The following PSME4 variants were observed in gnomAD, a reference collection of about 807,000 sequenced individuals.
PSME4 encodes proteasome activator subunit 4, also known as proteasome activator complex subunit 4.
PSME4 carries 89 observed loss-of-function variants against 253.9 expected under a neutral mutation model. The observed-to-expected ratio is 0.35, with a 90% CI of 0.30 to 0.42. The LOEUF (loss-of-function observed/expected upper bound fraction) is 0.42, where lower values mean the gene tolerates loss of function less well. PSME4 is among the 10% of genes least tolerant of loss of function. The probability of loss-of-function intolerance (pLI) is 1.00; values close to 1 mark genes in which losing one functional copy is unlikely to be tolerated. For missense variants in PSME4, 2,014 were observed against 2,195.2 expected (o/e 0.92, Z 1.65); for synonymous variants, 851 against 759.2 (o/e 1.12, Z -1.99).
At chr2:53,887,595 C>CTG (rs1679698907) in intron 39 of PSME4, 128 bp from the exon 40 acceptor site, 1 of 948,946 alleles carries the variant, frequency 1.1e-6, no homozygotes, top group East Asian at 2.6e-5. Flanking sequence ...TAGATTATGC[C>CTG]TGTGTGTAAA....
At chr2:53,888,333 T>A (rs1208951882) in intron 38 of PSME4, 1 of 233,270 alleles carries the variant, frequency 4.3e-6, no homozygotes, top group Non-Finnish European at 8.2e-6. Context: ...TCTAACTTTC[T>A]ACAGCACCAT....
intron 17 of PSME4, among the ~76,000 whole-genome samples, chr2:53,921,643 C>T (rs1296154991): frequency 7.1e-4 from 101 of 142,826 alleles, no homozygotes; most frequent in Non-Finnish European, 1.4e-3. Context: ...CCGAGGCGGG[C>T]GGATCACGAG....
chr2:53,948,342 T>C (rs2104475685), intron 3 of PSME4, 79 bp downstream of exon 3: 2 of 847,684 alleles, frequency 2.4e-6, no homozygotes, highest in Non-Finnish European at 4.0e-6. Context: ...TTCAAACAAC[T>C]CAATATTTTT....
chr2:53,939,894 C>A, intron 4 of PSME4, 62 bp downstream of exon 4: 1 of 1,405,028 alleles, frequency 7.1e-7, no homozygotes, highest in African/African-American at 1.4e-5. Context: ...TCAAACCATA[C>A]TAAAGATGTG....
chr2:53,887,910 A>C lies in PSME4; in HGVS notation c.4468T>G (p.Leu1490Val), dbSNP rs748464448. Residue 1490 changes from leucine to valine, a missense_variant, in exon 39 of 47, where the codon TTG becomes GTG. Transcript: ENST00000404125. Reference sequence around the variant, plus strand: ...TAAACCTGGGTGAGTTTGGGTTCCAAGTACTTCAGTAGTCTGTGCAATAGT... The same window carrying C: ...TAAACCTGGGTGAGTTTGGGTTCCACGTACTTCAGTAGTCTGTGCAATAGT... The part of the protein sequence containing the change: ...PELLHRLLKY[L>V]EPKLTQVYKN... 1.2e-5 allele frequency: 19 copies of C among 1,606,010 alleles called. No homozygotes were observed. The highest frequency in any genetic ancestry group is 1.7e-5 in the Admixed American group (1 of 59,952).
intron 1 of PSME4, among the ~76,000 whole-genome samples, chr2:53,953,211 A>T (rs1670077548): frequency 6.6e-6 from 1 of 152,190 alleles, no homozygotes; most frequent in Non-Finnish European, 1.5e-5. Context: ...AGTTCTAACT[A>T]TAAAAAGAAA....
intron 41 of PSME4, among the ~76,000 whole-genome samples, chr2:53,879,800 T>TAAAAAAA (rs1679295189): frequency 2.0e-5 from 1 of 49,888 alleles, no homozygotes. Flanking sequence ...AGACCCTGTC[T>TAAAAAAA]CAAAAAAAAA....
At chr2:53,921,198 T>G in intron 17 of PSME4, 94 bp from the exon 18 acceptor site, 2 of 1,532,952 alleles carry the variant, frequency 1.3e-6, no homozygotes, top group Non-Finnish European at 1.7e-6. Context: ...ACTAACCTAG[T>G]GTTTCTCTAA....
chr2:53,936,433 T>C (rs1558701046), intron 6 of PSME4, among the ~76,000 whole-genome samples: 1 of 152,134 alleles, frequency 6.6e-6, no homozygotes, highest in Non-Finnish European at 1.5e-5. Context: ...ATCCAACAAA[T>C]ATGCTGAAAA....
intron 14 of PSME4, among the ~76,000 whole-genome samples, chr2:53,925,174 T>A (rs1266982027): frequency 6.6e-6 from 1 of 152,062 alleles, no homozygotes; most frequent in East Asian, 1.9e-4. Context: ...AGCAAAAAAA[T>A]GTAAAAAAGT....
At chr2:53,874,996 C>G (rs115755242) in intron 42 of PSME4, among the ~76,000 whole-genome samples, 2 of 152,154 alleles carry the variant, frequency 1.3e-5, no homozygotes, top group African/African-American at 4.8e-5. Flanking sequence ...TCACAAGAGA[C>G]AGTCATGATT....
At chr2:53,946,297 T>A (rs146082634) in intron 3 of PSME4, among the ~76,000 whole-genome samples, 1 of 152,204 alleles carries the variant, frequency 6.6e-6, no homozygotes, top group Non-Finnish European at 1.5e-5. Flanking sequence ...TACCTCCTCC[T>A]TTCATTTACA....
At chr2:53,953,981 C>T (rs1167916856) in intron 1 of PSME4, among the ~76,000 whole-genome samples, 1 of 152,202 alleles carries the variant, frequency 6.6e-6, no homozygotes, top group Non-Finnish European at 1.5e-5. Context: ...CAGCCGCTTC[C>T]TCCTCACAGC....
At chr2:53,912,251 T>A (rs889457816) in intron 20 of PSME4, among the ~76,000 whole-genome samples, 1 of 152,146 alleles carries the variant, frequency 6.6e-6, no homozygotes, top group Non-Finnish European at 1.5e-5. Context: ...GGGCCTACTG[T>A]GGCACTTGAG....
intron 43 of PSME4, among the ~76,000 whole-genome samples, chr2:53,871,944 G>C (rs1678898079): frequency 6.6e-6 from 1 of 152,104 alleles, no homozygotes; most frequent in Admixed American, 6.5e-5. Context: ...AACCCAGGGG[G>C]CAGAGGTTGC....
At chr2:53,874,199 A>G (rs1679018857) in intron 43 of PSME4, 140 bp downstream of exon 43, 1 of 814,606 alleles carries the variant, frequency 1.2e-6, no homozygotes. Flanking sequence ...GCATCAAGTG[A>G]TCTCACTGAC....
At chr2:53,879,973 A>C (rs184084661) in intron 41 of PSME4, among the ~76,000 whole-genome samples, 175 of 152,354 alleles carry the variant, frequency 1.1e-3, no homozygotes, top group Middle Eastern at 3.4e-3. Flanking sequence ...TAAAAAAATT[A>C]CAGAAGTATA....
chr2:53,922,359 A>C (rs1668365198), intron 17 of PSME4, among the ~76,000 whole-genome samples, 158 bp downstream of exon 17: 1 of 152,204 alleles, frequency 6.6e-6, no homozygotes, highest in Admixed American at 6.5e-5. Context: ...TCCTTTGACA[A>C]TAAGAGTATG....
chr2:53,941,398 CA>C (rs1378052444), intron 3 of PSME4, among the ~76,000 whole-genome samples: 1 of 151,348 alleles, frequency 6.6e-6, no homozygotes, highest in Non-Finnish European at 1.5e-5. Flanking sequence ...CTAAGCAATT[CA>C]AAAACACAGT....
Sources: allele counts gnomAD v4.1 joint callset (sites outside exome capture counted in the v4.1 genomes callset), GRCh38; gene constraint gnomAD v4.1.1; transcripts MANE v1.5; gene names NCBI Gene and HGNC (gene_info 2026-07-23, HGNC 2026-07-21).